The following FIGN variants were observed in gnomAD, a reference collection of about 807,000 sequenced individuals.
FIGN encodes the protein fidgetin, microtubule severing factor.
Under a neutral mutation model 51.3 loss-of-function variants are expected in FIGN, and 11 were observed. The ratio of observed to expected loss-of-function variants is 0.21; its 90% CI spans 0.13 to 0.35. FIGN has a LOEUF of 0.35. Ranked by LOEUF, FIGN falls within the 10% of genes least tolerant of loss-of-function variation. The probability of loss-of-function intolerance (pLI) is 1.00; values close to 1 mark genes in which losing one functional copy is unlikely to be tolerated. For missense variants in FIGN, 857 were observed against 943.6 expected (o/e 0.91, Z 1.20); for synonymous variants, 407 against 363.2 (o/e 1.12, Z -1.37).
intron 2 of FIGN, among the ~76,000 whole-genome samples, chr2:163,706,871 A>C (rs1162258914): frequency 6.6e-6 from 1 of 152,198 alleles, no homozygotes; most frequent in Non-Finnish European, 1.5e-5. Context: ...CATTTAAAAC[A>C]AACAAAAAAA....
At position 163,722,097 on chromosome 2, in the gene FIGN, T is replaced by C. The variant is rs137991368; in HGVS notation, c.25+12806A>G. On this transcript the variant is annotated intron_variant, in intron 2 of 2. Coordinates refer to ENST00000333129, the MANE Select transcript of FIGN (RefSeq NM_018086.4). ...CACACAAACCCAACTGGTAAAGCTATTGAACACCTAAAAGAGCTATTGGGT... is the reference window on the plus strand; with the variant it reads ...CACACAAACCCAACTGGTAAAGCTACTGAACACCTAAAAGAGCTATTGGGT... 1.8e-3 allele frequency among the ~76,000 whole-genome samples: 275 copies of C among 152,308 alleles called. 1 individual carries two copies. The highest frequency in any genetic ancestry group is 6.4e-3 in the African/African-American group (266 of 41,560).
chr2:163,730,624 C>T (rs1386587435), intron 2 of FIGN, among the ~76,000 whole-genome samples: 1 of 151,962 alleles, frequency 6.6e-6, no homozygotes, highest in African/African-American at 2.4e-5. Context: ...CAATAAAACA[C>T]TAGCTCTTGT....
intron 2 of FIGN, among the ~76,000 whole-genome samples, chr2:163,639,755 A>C (rs1399169131): frequency 6.6e-6 from 1 of 152,210 alleles, no homozygotes; most frequent in Non-Finnish European, 1.5e-5. Flanking sequence ...ATTATTTTTC[A>C]AATAATATTA....
intron 2 of FIGN, among the ~76,000 whole-genome samples, chr2:163,628,437 T>C (rs979233613): frequency 6.6e-6 from 1 of 152,186 alleles, no homozygotes; most frequent in Non-Finnish European, 1.5e-5. Context: ...GACAGAAGTA[T>C]ATGTCTATGC....
intron 2 of FIGN, among the ~76,000 whole-genome samples, chr2:163,630,101 C>T (rs1455035836): frequency 6.6e-6 from 1 of 151,326 alleles, no homozygotes; most frequent in Non-Finnish European, 1.5e-5. Context: ...GCCAGGAATA[C>T]AGACAGGCAC....
chr2:163,730,792 A>G (rs1044852630), intron 2 of FIGN, among the ~76,000 whole-genome samples: 2 of 152,210 alleles, frequency 1.3e-5, no homozygotes, highest in Non-Finnish European at 2.9e-5. Context: ...ATATGTCAAT[A>G]TTTCACACAA....
intron 2 of FIGN, among the ~76,000 whole-genome samples, chr2:163,687,392 T>A (rs1360684438): frequency 6.6e-6 from 1 of 152,218 alleles, no homozygotes; most frequent in Non-Finnish European, 1.5e-5. Flanking sequence ...GAACACACTG[T>A]CAATTGACAC....
chr2:163,658,572 G>A (rs1683600993), intron 2 of FIGN, among the ~76,000 whole-genome samples: 1 of 152,108 alleles, frequency 6.6e-6, no homozygotes, highest in African/African-American at 2.4e-5. Flanking sequence ...CTCATGGTGG[G>A]AGGCAAGGGG....
chr2:163,725,485 T>C (rs573734687), intron 2 of FIGN, among the ~76,000 whole-genome samples: 5 of 152,088 alleles, frequency 3.3e-5, no homozygotes, highest in Non-Finnish European at 7.4e-5. Flanking sequence ...ATTCCAATCA[T>C]ATATCAGCAA....
chr2:163,699,567 C>T (rs1191439433), intron 2 of FIGN, among the ~76,000 whole-genome samples: 6 of 152,030 alleles, frequency 3.9e-5, no homozygotes, highest in African/African-American at 1.4e-4. Context: ...GAACATCTTT[C>T]CAAAAAAATG....
chr2:163,689,780 C>G (rs1176509735), intron 2 of FIGN, among the ~76,000 whole-genome samples: 3 of 152,116 alleles, frequency 2.0e-5, no homozygotes, highest in East Asian at 3.9e-4. Flanking sequence ...ATTTATGCAG[C>G]ATTATATAAT....
At chr2:163,686,438 A>T (rs116826717) in intron 2 of FIGN, among the ~76,000 whole-genome samples, 2 of 152,232 alleles carry the variant, frequency 1.3e-5, no homozygotes, top group Admixed American at 1.3e-4. Context: ...CTTCAAGTAC[A>T]ATCTTCTAAA....
chr2:163,611,130 T>C lies in FIGN; in HGVS notation c.702A>G (p.Pro234=), dbSNP rs753883664. 12 of 1,613,978 alleles carry C rather than the reference T, an allele frequency of 7.4e-6. No individual in the cohort carries two copies. Among genetic ancestry groups the C allele is most frequent in the South Asian group, 1.1e-5 (1 of 91,082 alleles). The change falls in exon 3 of 3, where the codon CCA becomes CCG. Residue 234 remains proline, a synonymous_variant. Coordinates refer to ENST00000333129, the MANE Select transcript of FIGN (RefSeq NM_018086.4). ...AGAGGTTAGAAGTCCCATTGTAGCCTGGGACCAAGGCTGGTGGCGGAGGAG... is the reference window on the plus strand; with the variant it reads ...AGAGGTTAGAAGTCCCATTGTAGCCCGGGACCAAGGCTGGTGGCGGAGGAG... The part of the protein sequence containing the change: ...PPPPPPPALV[P]GYNGTSNLSS...
At chr2:163,725,904 T>C (rs1684831672) in intron 2 of FIGN, among the ~76,000 whole-genome samples, 1 of 152,116 alleles carries the variant, frequency 6.6e-6, no homozygotes, top group Non-Finnish European at 1.5e-5. Flanking sequence ...TTTGCTTATG[T>C]GTAATTTTTT....
intron 2 of FIGN, among the ~76,000 whole-genome samples, chr2:163,681,854 G>C (rs1208411078): frequency 6.6e-6 from 1 of 152,128 alleles, no homozygotes; most frequent in Non-Finnish European, 1.5e-5. Flanking sequence ...TGAATAAAAG[G>C]GCCTGAAAAC....
At chr2:163,650,904 T>C (rs1683462730) in intron 2 of FIGN, among the ~76,000 whole-genome samples, 1 of 152,174 alleles carries the variant, frequency 6.6e-6, no homozygotes, top group African/African-American at 2.4e-5. Context: ...AATGAGAAAG[T>C]TGCTGTATAG....
chr2:163,608,107 T>C lies in FIGN; in HGVS notation c.*1445A>G, dbSNP rs1193123172. The stretch of plus-strand genomic sequence containing the variant: ...TGCAGTGTGTGTGTCCACTTCCAAT[T>C]TTCTACTTTACTTTCCAAGAGAAAT... On this transcript the variant is annotated 3_prime_UTR_variant, in exon 3 of 3. Transcript: ENST00000333129. The C allele has an allele frequency of 1.3e-5, 2 of 152,584 alleles. No homozygotes were observed. The highest frequency in any genetic ancestry group is 4.8e-5 in the African/African-American group (2 of 41,420). 9.5% of individuals were successfully genotyped at this position (152,584 alleles called of 1,614,324 possible).
chr2:163,631,187 A>T (rs1683140297), intron 2 of FIGN, among the ~76,000 whole-genome samples: 1 of 152,204 alleles, frequency 6.6e-6, no homozygotes, highest in Non-Finnish European at 1.5e-5. Flanking sequence ...GTGTATCAAA[A>T]GATCCCATAA....
At chr2:163,687,703 C>A (rs1288047286) in intron 2 of FIGN, among the ~76,000 whole-genome samples, 2 of 152,168 alleles carry the variant, frequency 1.3e-5, no homozygotes, top group Non-Finnish European at 2.9e-5. Flanking sequence ...TGGCAACTAA[C>A]AATGCAAACT....
Sources: allele counts gnomAD v4.1 joint callset (sites outside exome capture counted in the v4.1 genomes callset), GRCh38; gene constraint gnomAD v4.1.1; transcripts MANE v1.5; gene names NCBI Gene and HGNC (gene_info 2026-07-23, HGNC 2026-07-21).